BTBD16: variants seen among roughly 807,000 people sequenced by gnomAD.
The protein encoded by BTBD16 is BTB domain containing 16.
In BTBD16, 66 loss-of-function variants were observed where a neutral mutation model predicts 67.4. That is an observed-to-expected ratio of 0.98 (90% CI 0.80 to 1.20). The LOEUF (loss-of-function observed/expected upper bound fraction) is 1.20, where lower values mean the gene tolerates loss of function less well. Among genes scored for constraint, BTBD16 ranks in the 50% most tolerant of loss-of-function variants. BTBD16 has a pLI of 0.00. For missense variants in BTBD16, 634 were observed against 616.0 expected, an observed-to-expected ratio of 1.03 and a Z score of -0.31; for synonymous variants, 242 against 236.4, an observed-to-expected ratio of 1.02 and a Z score of -0.22.
At chr10:122,271,736 A>G (rs1460834937) in intron 1 of BTBD16, among the ~76,000 whole-genome samples, 1 of 152,136 alleles carries the variant, frequency 6.6e-6, no homozygotes, top group Non-Finnish European at 1.5e-5. Flanking sequence ...CTCTCAAAAC[A>G]CACGAAGGGG....
At chr10:122,319,881 G>A (rs112084370) in intron 10 of BTBD16, among the ~76,000 whole-genome samples, 54 of 152,094 alleles carry the variant, frequency 3.6e-4, no homozygotes, top group African/African-American at 1.2e-3. Flanking sequence ...ATTTAGGTCC[G>A]TTTAAATGTC....
chr10:122,307,389 C>G, intron 10 of BTBD16, 81 bp downstream of exon 10: 1 of 1,363,290 alleles, frequency 7.3e-7, no homozygotes, highest in Non-Finnish European at 9.8e-7. Context: ...CGGGGGAAAA[C>G]CATCAGTGAT....
chr10:122,328,374 A>T (rs1229907983), intron 10 of BTBD16, among the ~76,000 whole-genome samples: 1 of 152,186 alleles, frequency 6.6e-6, no homozygotes, highest in Non-Finnish European at 1.5e-5. Flanking sequence ...GATACTGGTA[A>T]ATAACCCTTG....
At chr10:122,311,134 T>C (rs2096413080) in intron 10 of BTBD16, among the ~76,000 whole-genome samples, 1 of 152,196 alleles carries the variant, frequency 6.6e-6, no homozygotes, top group South Asian at 2.1e-4. Flanking sequence ...TTTTTTTCAA[T>C]CTTTCATTCA....
chr10:122,280,363 C>T (rs868826161), intron 3 of BTBD16, among the ~76,000 whole-genome samples: 2 of 152,008 alleles, frequency 1.3e-5, no homozygotes, highest in Non-Finnish European at 1.5e-5. Context: ...GTGTCTCAGG[C>T]CAGACTGGGG....
At chr10:122,282,931 G>T (rs1210664408) in intron 3 of BTBD16, among the ~76,000 whole-genome samples, 2 of 152,220 alleles carry the variant, frequency 1.3e-5, no homozygotes, top group African/African-American at 4.8e-5. Flanking sequence ...GCGAGGAGGA[G>T]AGCATTTGGG....
chr10:122,321,206 T>C (rs1311675275), intron 10 of BTBD16, among the ~76,000 whole-genome samples: 2 of 152,224 alleles, frequency 1.3e-5, no homozygotes, highest in Non-Finnish European at 2.9e-5. Flanking sequence ...AATGGCTGTG[T>C]GGGATTCCAT....
At chr10:122,286,328 T>C in intron 5 of BTBD16, 80 bp downstream of exon 5, 10 of 1,510,782 alleles carry the variant, frequency 6.6e-6, no homozygotes, top group Non-Finnish European at 8.9e-6. Context: ...TGGTTATCTG[T>C]TTTGAGACCA....
intron 1 of BTBD16, 74 bp from the exon 2 acceptor site, chr10:122,274,966 T>C: frequency 1.0e-6 from 1 of 1,000,036 alleles, no homozygotes. Context: ...AAAGTATAGA[T>C]TCTTTAGGCC....
At chr10:122,329,719 G>A in intron 11 of BTBD16, 148 bp downstream of exon 11, 1 of 655,000 alleles carries the variant, frequency 1.5e-6, no homozygotes, top group Non-Finnish European at 2.6e-6. Context: ...GTGACTTCGG[G>A]AAAGTCATGT....
At chr10:122,295,524 G>A in intron 7 of BTBD16, 2 of 985,378 alleles carry the variant, frequency 2.0e-6, no homozygotes, top group Non-Finnish European at 2.4e-6. Flanking sequence ...AGCCCCTCCT[G>A]TGTGAAGGAT....
chr10:122,286,840 C>G (rs1380715661), intron 5 of BTBD16, among the ~76,000 whole-genome samples: 1 of 152,172 alleles, frequency 6.6e-6, no homozygotes, highest in Non-Finnish European at 1.5e-5. Context: ...AGCCTCCTCT[C>G]ACCTGGTCTC....
At chr10:122,283,305 G>A (rs777317251) in intron 3 of BTBD16, among the ~76,000 whole-genome samples, 13 of 152,226 alleles carry the variant, frequency 8.5e-5, no homozygotes, top group Non-Finnish European at 1.9e-4. Flanking sequence ...CAAGTGATGA[G>A]ATGTAACAAC....
At chr10:122,288,829 C>T (rs910950875) in intron 5 of BTBD16, among the ~76,000 whole-genome samples, 1 of 152,154 alleles carries the variant, frequency 6.6e-6, no homozygotes, top group African/African-American at 2.4e-5. Flanking sequence ...CCCACACCAT[C>T]CCGAGGAGCA....
intron 5 of BTBD16, among the ~76,000 whole-genome samples, chr10:122,288,512 C>T (rs957153412): frequency 6.6e-6 from 1 of 152,176 alleles, no homozygotes; most frequent in Non-Finnish European, 1.5e-5. Context: ...GAACCTTGAG[C>T]TCCCTGGTGA....
chr10:122,280,400 G>A (rs1368311214), intron 3 of BTBD16, among the ~76,000 whole-genome samples: 8 of 152,030 alleles, frequency 5.3e-5, no homozygotes, highest in Non-Finnish European at 1.5e-5. Flanking sequence ...AAGGCTCAGG[G>A]GGTTGTGGCC....
intron 2 of BTBD16, 92 bp downstream of exon 2, chr10:122,275,191 G>A (rs2096337848): frequency 2.4e-6 from 3 of 1,238,370 alleles, no homozygotes; most frequent in East Asian, 2.3e-5. Context: ...GCTGGGTTCT[G>A]CACCACCGAG....
At chr10:122,327,518 G>C in intron 10 of BTBD16, 1 of 884,418 alleles carries the variant, frequency 1.1e-6, no homozygotes, top group Non-Finnish European at 1.4e-6. Flanking sequence ...TGAGAGGCCC[G>C]GTCACAGGAC....
chr10:122,299,151 A>C lies in BTBD16; in HGVS notation c.791+17A>C, dbSNP rs1377844554. ...GTCCCCCAGGTCAGAGCTGGCTCCC[A>C]GGGTGCGGCCCCTGAGAGGGGGATG... On this transcript the variant is annotated intron_variant, in intron 9 of 15. Coordinates refer to ENST00000260723, the MANE Select transcript of BTBD16 (RefSeq NM_144587.5). 6.2e-7 allele frequency: 1 copy of C among 1,612,526 alleles called. No homozygotes were observed. Among genetic ancestry groups the C allele is most frequent in the Non-Finnish European group, 8.5e-7 (1 of 1,179,516 alleles).
Sources: allele counts gnomAD v4.1 joint callset (sites outside exome capture counted in the v4.1 genomes callset), GRCh38; gene constraint gnomAD v4.1.1; transcripts MANE v1.5; gene names NCBI Gene and HGNC (gene_info 2026-07-23, HGNC 2026-07-21).